The following DENND5A variants were observed in gnomAD, a reference collection of about 807,000 sequenced individuals.
DENND5A encodes DENN domain-containing protein 5A.
A neutral mutation model predicts 140.3 loss-of-function variants in DENND5A; 64 were observed. That is an observed-to-expected ratio of 0.46 (90% CI 0.37 to 0.56). The LOEUF is 0.56. DENND5A is among the 20% of genes least tolerant of loss of function. The pLI is 0.00. For synonymous variants in DENND5A, 605 were observed against 607.7 expected, an observed-to-expected ratio of 1.00 and a Z score of 0.07; for missense variants, 1,292 against 1,593.8, an observed-to-expected ratio of 0.81 and a Z score of 3.22.
intron 2 of DENND5A, 111 bp downstream of exon 2, chr11:9,207,450 A>C: frequency 1.3e-6 from 1 of 760,540 alleles, no homozygotes; most frequent in South Asian, 1.7e-5. Context: ...TCTAGTGGTC[A>C]AAAAAGGCAC....
chr11:9,203,985 G>A lies in DENND5A; in HGVS notation c.624C>T (p.Cys208=). The change falls in exon 4 of 23, where the codon TGC becomes TGT. Residue 208 remains cysteine, a synonymous_variant. Transcript: ENST00000328194. ...TCATGAAAGACATGGGTGTGATGAG[G>A]CAGATGCACTTAGAGACGTAGAGAG... ...RDTLYVSKCI[C]LITPMSFMKA... is the part of the protein sequence containing the mutation. 6.2e-7 allele frequency: 1 copy of A among 1,614,132 alleles called. No individual in the cohort carries two copies. The highest frequency in any genetic ancestry group is 8.5e-7 in the Non-Finnish European group (1 of 1,180,018).
At chr11:9,264,676 G>C (rs1350110905) in intron 1 of DENND5A, among the ~76,000 whole-genome samples, 1 of 152,084 alleles carries the variant, frequency 6.6e-6, no homozygotes, top group African/African-American at 2.4e-5. Flanking sequence ...TTTAAACGAA[G>C]TCACTCAACC....
At chr11:9,261,520 G>A (rs568302068) in intron 1 of DENND5A, among the ~76,000 whole-genome samples, 4 of 152,078 alleles carry the variant, frequency 2.6e-5, no homozygotes, top group African/African-American at 7.2e-5. Flanking sequence ...GCTCACGCCT[G>A]TAATCCTAGC....
chr11:9,221,158 C>T (rs181613530), intron 1 of DENND5A, among the ~76,000 whole-genome samples: 10 of 151,686 alleles, frequency 6.6e-5, no homozygotes, highest in Admixed American at 5.2e-4. Flanking sequence ...CGGCTGGACA[C>T]GGTGGCTCAC....
chr11:9,252,324 AT>A (rs1194089751), intron 1 of DENND5A, among the ~76,000 whole-genome samples: 2 of 147,798 alleles, frequency 1.4e-5, no homozygotes, highest in Non-Finnish European at 3.0e-5. Flanking sequence ...AGAACTAAAT[AT>A]AAAAATCTGG....
chr11:9,263,957 CT>C (rs1345083849), intron 1 of DENND5A, among the ~76,000 whole-genome samples: 2 of 151,704 alleles, frequency 1.3e-5, no homozygotes, highest in Non-Finnish European at 2.9e-5. Context: ...AGGATAATCA[CT>C]TTCGAAAGAG....
chr11:9,160,884 C>G lies in DENND5A; in HGVS notation c.2284-19G>C. 1 of 1,612,614 alleles carries G rather than the reference C, an allele frequency of 6.2e-7. No homozygotes were observed. Among genetic ancestry groups the G allele is most frequent in the Non-Finnish European group, 8.5e-7 (1 of 1,178,860 alleles). ...TCTTGGTCTACAAGGAAGCAGTCAA[C>G]AGGATTAAATAACCACAGTGAGCAG... is the stretch of plus-strand genomic sequence containing the variant. On this transcript the variant is annotated intron_variant, in intron 11 of 22. Coordinates refer to ENST00000328194, the MANE Select transcript of DENND5A (RefSeq NM_015213.4).
chr11:9,151,231 G>T (rs532768449), intron 13 of DENND5A, among the ~76,000 whole-genome samples: 1 of 152,328 alleles, frequency 6.6e-6, no homozygotes, highest in Non-Finnish European at 1.5e-5. Flanking sequence ...TAAAGAACAA[G>T]AATGTTCTGG....
chr11:9,159,250 A>T (rs1226477954), intron 12 of DENND5A, among the ~76,000 whole-genome samples: 2 of 152,002 alleles, frequency 1.3e-5, no homozygotes, highest in African/African-American at 4.8e-5. Context: ...TCATCAGCTG[A>T]TAAATATCTG....
chr11:9,229,746 C>T (rs1850683263), intron 1 of DENND5A, among the ~76,000 whole-genome samples: 1 of 152,018 alleles, frequency 6.6e-6, no homozygotes, highest in Non-Finnish European at 1.5e-5. Flanking sequence ...CTTGCTGGGT[C>T]CCCCTGCCCC....
At chr11:9,145,843 G>A (rs201783151) in intron 16 of DENND5A, 28 bp from the exon 17 acceptor site, 22 of 1,613,168 alleles carry the variant, frequency 1.4e-5, no homozygotes, top group Non-Finnish European at 2.5e-6. Context: ...CAAAAGTATT[G>A]AGGAGAATTA....
chr11:9,228,369 G>C (rs1198174118), intron 1 of DENND5A, among the ~76,000 whole-genome samples: 1 of 152,152 alleles, frequency 6.6e-6, no homozygotes, highest in Non-Finnish European at 1.5e-5. Flanking sequence ...ACCACCTGCA[G>C]AGAGGAGAGA....
At chr11:9,207,385 T>C (rs536472305) in intron 2 of DENND5A, among the ~76,000 whole-genome samples, 176 bp downstream of exon 2, 1 of 151,954 alleles carries the variant, frequency 6.6e-6, no homozygotes, top group East Asian at 1.9e-4. Flanking sequence ...AACATTAAAG[T>C]GAAGAGAGAA....
rs963502026 is a variant in DENND5A, at chr11:9,149,948, A to G, written c.2735+133T>C. 3.2e-6 allele frequency: 4 copies of G among 1,265,502 alleles called. No individual in the cohort carries two copies. The Admixed American group carries it at 1.1e-4, about 35-fold the overall frequency. 78.4% of individuals were successfully genotyped at this position (1,265,502 alleles called of 1,614,324 possible). A position where few individuals can be genotyped will look rare whatever the true frequency, so the allele number is the denominator to read the frequency against. ...AAGGGAGAAGAGGAAATACTGCAAAACCTTCATAAGCAAAGAGGTTAGCTG... is the reference window on the plus strand; with the variant it reads ...AAGGGAGAAGAGGAAATACTGCAAAGCCTTCATAAGCAAAGAGGTTAGCTG... On this transcript the variant is annotated intron_variant, in intron 15 of 22. Transcript: ENST00000328194.
chr11:9,243,105 CA>C (rs71453907), intron 1 of DENND5A, among the ~76,000 whole-genome samples: 6 of 112,836 alleles, frequency 5.3e-5, no homozygotes, highest in East Asian at 2.4e-4. Flanking sequence ...AAAAAAAAAA[CA>C]AAAAAAAAAA....
intron 8 of DENND5A, chr11:9,171,154 C>T (rs1044189584): frequency 8.3e-5 from 17 of 204,280 alleles, no homozygotes; most frequent in Non-Finnish European, 1.0e-4. Flanking sequence ...TTCATATGAA[C>T]AGTACCAGAG....
intron 1 of DENND5A, among the ~76,000 whole-genome samples, chr11:9,249,845 C>T (rs1590337494): frequency 2.0e-5 from 3 of 152,050 alleles, no homozygotes; most frequent in Non-Finnish European, 1.5e-5. Context: ...CCACCGTGCC[C>T]GGCCTCATTT....
At chr11:9,233,398 C>CAAAA (rs1001576602) in intron 1 of DENND5A, among the ~76,000 whole-genome samples, 1 of 54,060 alleles carries the variant, frequency 1.8e-5, no homozygotes, top group Non-Finnish European at 4.0e-5. Context: ...GACTCTGTCT[C>CAAAA]AAAAAAAAAA....
At chr11:9,259,280 CAGG>C (rs1852086864) in intron 1 of DENND5A, among the ~76,000 whole-genome samples, 1 of 150,856 alleles carries the variant, frequency 6.6e-6, no homozygotes, top group Non-Finnish European at 1.5e-5. Flanking sequence ...AACAACAGGC[CAGG>C]CGTGGTGACT....
Sources: gnomAD v4.1 joint callset for allele counts (sites outside exome capture counted in the v4.1 genomes callset) on GRCh38, gnomAD v4.1.1 for gene constraint, MANE v1.5 for transcripts, NCBI Gene and HGNC (gene_info 2026-07-23, HGNC 2026-07-21) for gene names.